The following SLC35D4 variants were observed in gnomAD, a reference collection of about 807,000 sequenced individuals.
The protein encoded by SLC35D4 is solute carrier family 35 member D4, also known as UDP-N-acetylglucosamine transporter SLC35D4.
At chr18:23,268,262 G>C in the SLC35D4 span, among the ~76,000 whole-genome samples, 1 of 152,166 alleles carries the variant, frequency 6.6e-6, no homozygotes, top group Non-Finnish European at 1.5e-5. Flanking sequence ...CTGGATTCCT[G>C]TTTGCAGAAG....
the SLC35D4 span, among the ~76,000 whole-genome samples, chr18:23,348,596 C>G: frequency 3.9e-5 from 6 of 152,106 alleles, no homozygotes; most frequent in African/African-American, 1.4e-4. Context: ...CCTATTTTTT[C>G]TCTAGTAATA....
At chr18:23,260,354 C>T in the SLC35D4 span, 1 of 152,246 alleles carries the variant, frequency 6.6e-6, no homozygotes, top group Non-Finnish European at 1.5e-5. Context: ...TCACACAAGC[C>T]ACTCTGTACC....
the SLC35D4 span, among the ~76,000 whole-genome samples, chr18:23,282,296 G>A: frequency 2.0e-5 from 3 of 152,220 alleles, no homozygotes; most frequent in South Asian, 2.1e-4. Context: ...GGGTGGCAGG[G>A]GAGTTCCTTC....
chr18:23,283,490 AAAAG>A, the SLC35D4 span, among the ~76,000 whole-genome samples: 11 of 149,526 alleles, frequency 7.4e-5, no homozygotes, highest in East Asian at 3.9e-4. Context: ...AAAAAAAAAA[AAAAG>A]AAAGAAAGAA....
the SLC35D4 span, among the ~76,000 whole-genome samples, chr18:23,401,601 G>A: frequency 6.6e-6 from 1 of 152,162 alleles, no homozygotes; most frequent in Non-Finnish European, 1.5e-5. Context: ...ATGGCCTGTT[G>A]TGCACCAGAA....
chr18:23,281,014 T>C, the SLC35D4 span, among the ~76,000 whole-genome samples: 1 of 151,892 alleles, frequency 6.6e-6, no homozygotes, highest in East Asian at 1.9e-4. Flanking sequence ...CTTAAAAACC[T>C]CAGCCTAACA....
At chr18:23,368,968 A>G in the SLC35D4 span, among the ~76,000 whole-genome samples, 1 of 152,208 alleles carries the variant, frequency 6.6e-6, no homozygotes, top group Non-Finnish European at 1.5e-5. Context: ...CCACATGTAC[A>G]TTTGTCACTT....
At chr18:23,397,178 C>A in the SLC35D4 span, among the ~76,000 whole-genome samples, 2 of 152,186 alleles carry the variant, frequency 1.3e-5, no homozygotes, top group Non-Finnish European at 2.9e-5. Context: ...AGGCAGAGAT[C>A]CTACATGAAT....
At chr18:23,252,827 C>T in the SLC35D4 span, 1 of 608,388 alleles carries the variant, frequency 1.6e-6, no homozygotes, top group African/African-American at 1.9e-5. Flanking sequence ...CCGCCGAGCC[C>T]TTGTTGTAGC....
chr18:23,424,027 C>T, the SLC35D4 span, among the ~76,000 whole-genome samples: 2 of 152,124 alleles, frequency 1.3e-5, no homozygotes, highest in East Asian at 3.9e-4. Flanking sequence ...GGGAAGCTCC[C>T]TCTCTTTACA....
the SLC35D4 span, chr18:23,377,675 C>T: frequency 6.4e-7 from 1 of 1,569,232 alleles, no homozygotes; most frequent in East Asian, 2.3e-5. Flanking sequence ...ATGTTTTCTG[C>T]ATAAAAGTAA....
chr18:23,378,914 T>C, the SLC35D4 span, among the ~76,000 whole-genome samples: 2 of 152,216 alleles, frequency 1.3e-5, no homozygotes, highest in African/African-American at 4.8e-5. Flanking sequence ...TCCCCTGTTT[T>C]AATGAACAGA....
chr18:23,437,893 C>T, the SLC35D4 span: 2 of 1,590,258 alleles, frequency 1.3e-6, no homozygotes, highest in Admixed American at 1.8e-5. Context: ...CGGTGCCTGC[C>T]CAAATCCCCT....
At chr18:23,362,531 G>A in the SLC35D4 span, among the ~76,000 whole-genome samples, 10 of 152,132 alleles carry the variant, frequency 6.6e-5, no homozygotes, top group East Asian at 9.7e-4. Flanking sequence ...CCTGGGAGGC[G>A]GAGGTTGCAG....
At chr18:23,386,144 A>AG in the SLC35D4 span, among the ~76,000 whole-genome samples, 1 of 151,124 alleles carries the variant, frequency 6.6e-6, no homozygotes, top group Non-Finnish European at 1.5e-5. Flanking sequence ...AAAAAAAAAA[A>AG]AAAGAAAGAA....
the SLC35D4 span, among the ~76,000 whole-genome samples, chr18:23,302,984 G>A: frequency 6.6e-6 from 1 of 152,228 alleles, no homozygotes; most frequent in African/African-American, 2.4e-5. Flanking sequence ...AAAAGCAAAT[G>A]AGAAGAAATA....
the SLC35D4 span, among the ~76,000 whole-genome samples, chr18:23,382,769 G>A: frequency 6.6e-6 from 1 of 152,232 alleles, no homozygotes; most frequent in African/African-American, 2.4e-5. Flanking sequence ...AGTGCCGAGA[G>A]GCCTCCACCT....
chr18:23,288,992 C>T, the SLC35D4 span, among the ~76,000 whole-genome samples: 67 of 152,300 alleles, frequency 4.4e-4, no homozygotes, highest in Admixed American at 1.1e-3. Context: ...CAAGGTACAG[C>T]CCATTTAAGC....
chr18:23,244,771 G>A, the SLC35D4 span, among the ~76,000 whole-genome samples: 2 of 152,286 alleles, frequency 1.3e-5, no homozygotes, highest in African/African-American at 4.8e-5. Context: ...GGCTTGCAGC[G>A]GCTGCATACC....
Sources: gnomAD v4.1 joint callset for allele counts (sites outside exome capture counted in the v4.1 genomes callset) on GRCh38, gnomAD v4.1.1 for gene constraint, MANE v1.5 for transcripts, NCBI Gene and HGNC (gene_info 2026-07-23, HGNC 2026-07-21) for gene names.